RPH3A: variants seen among roughly 807,000 people sequenced by gnomAD.
RPH3A encodes the protein rabphilin-3A.
A neutral mutation model predicts 102.2 loss-of-function variants in RPH3A; 48 were observed. The ratio of observed to expected loss-of-function variants is 0.47; its 90% CI spans 0.37 to 0.60. RPH3A has a LOEUF of 0.60. Among genes scored for constraint, RPH3A ranks in the 20% least tolerant of loss-of-function variants. RPH3A has a pLI of 0.00. For missense variants in RPH3A, 781 were observed against 910.1 expected, an observed-to-expected ratio of 0.86 and a Z score of 1.83; for synonymous variants, 310 against 324.3, an observed-to-expected ratio of 0.96 and a Z score of 0.47.
At chr12:112,628,568 C>CAAAAAAAAAA (rs771688201) in intron 1 of RPH3A, among the ~76,000 whole-genome samples, 1 of 27,048 alleles carries the variant, frequency 3.7e-5, no homozygotes, top group Non-Finnish European at 6.6e-5. Flanking sequence ...GTCTTTACCA[C>CAAAAAAAAAA]AAAAAAAAAA....
At chr12:112,586,028 A>G (rs2039436652) in intron 1 of RPH3A, among the ~76,000 whole-genome samples, 1 of 152,166 alleles carries the variant, frequency 6.6e-6, no homozygotes, top group Non-Finnish European at 1.5e-5. Flanking sequence ...AGTCTGATCC[A>G]TATGATTACT....
At chr12:112,690,451 T>C (rs570388104) in intron 1 of RPH3A, among the ~76,000 whole-genome samples, 11 of 152,290 alleles carry the variant, frequency 7.2e-5, no homozygotes, top group Admixed American at 5.9e-4. Context: ...GTGAGGCTCT[T>C]TTTGGTAAGC....
Position 112,713,015 on chromosome 12 carries a change from TC to T in RPH3A, c.-139-79126del, listed in dbSNP as rs1565857210. On this transcript the variant is annotated intron_variant, in intron 1 of 21. Transcript: ENST00000543106. Reference sequence around the variant, plus strand: ...TTTGTCTTCCTCTTCCTCTTCCTCTTCCTCTTCCTCTTCTTCTTCTTCTTCT... The same window carrying T: ...TTTGTCTTCCTCTTCCTCTTCCTCTTCTCTTCCTCTTCTTCTTCTTCTTCT... 4.4e-4 allele frequency among the ~76,000 whole-genome samples: 33 copies of T among 74,488 alleles called. 1 individual carries two copies. The highest frequency in any genetic ancestry group is 1.9e-3 in the African/African-American group (31 of 15,910). 48.9% of individuals were successfully genotyped at this position (74,488 alleles called of 152,430 possible). A position where few individuals can be genotyped will look rare whatever the true frequency, so the allele number is the denominator to read the frequency against.
intron 1 of RPH3A, among the ~76,000 whole-genome samples, chr12:112,613,630 T>C (rs1258584874): frequency 3.3e-5 from 5 of 152,082 alleles, no homozygotes; most frequent in Non-Finnish European, 7.4e-5. Flanking sequence ...TGAGACCCTG[T>C]CTTTACTAAA....
intron 1 of RPH3A, among the ~76,000 whole-genome samples, chr12:112,785,739 C>A (rs552729222): frequency 6.6e-6 from 1 of 152,162 alleles, no homozygotes; most frequent in Non-Finnish European, 1.5e-5. Context: ...CAAGGTCACA[C>A]AGTTTGCATG....
At position 112,879,157 on chromosome 12, in the gene RPH3A, C is replaced by A. The variant is rs2042860998; in HGVS notation, c.1210C>A (p.Gln404Lys). 1 of 1,613,994 alleles carries A rather than the reference C, an allele frequency of 6.2e-7. No individual in the cohort carries two copies. ...CCTGGAATTCAGCCTTCTCTACGAC[C>A]AGGACAACAGCTCCCTGCAGTGCAC... Reference protein sequence around the residue: ...GALEFSLLYDQDNSSLQCTII... With the variant: ...GALEFSLLYDKDNSSLQCTII... The change falls in exon 14 of 22, where the codon CAG becomes AAG. Residue 404 changes from glutamine to lysine, a missense_variant. Physicochemically the swap from Gln to Lys is moderately conservative, Grantham distance 53. This residue lies in a region of RPH3A where 730 missense variants were observed against 810.0 expected (regional missense o/e 0.90). Transcript: ENST00000389385.
At chr12:112,862,442 A>T (rs1163079753) in intron 5 of RPH3A, among the ~76,000 whole-genome samples, 2 of 152,208 alleles carry the variant, frequency 1.3e-5, no homozygotes, top group African/African-American at 4.8e-5. Context: ...AAAATGAGAA[A>T]ATAAAATTTA....
chr12:112,622,550 G>T (rs887048531), intron 1 of RPH3A, among the ~76,000 whole-genome samples: 2 of 146,592 alleles, frequency 1.4e-5, no homozygotes, highest in African/African-American at 5.1e-5. Flanking sequence ...AAGAAATATG[G>T]GACTATGTGA....
At position 112,712,925 on chromosome 12, in the gene RPH3A, C is replaced by CTTCTTCTTCTTCTTCTTCT. The variant is rs1565856803; in HGVS notation, c.-139-79217_-139-79216insTCTTCTTCTTCTTCTTCTT. Among the ~76,000 whole-genome samples, 151 of 94,526 alleles carry CTTCTTCTTCTTCTTCTTCT rather than the reference C, an allele frequency of 1.6e-3. 10 individuals carry two copies. Among genetic ancestry groups the CTTCTTCTTCTTCTTCTTCT allele is most frequent in the African/African-American group, 6.5e-3 (142 of 21,892 alleles). 62.0% of individuals were successfully genotyped at this position (94,526 alleles called of 152,430 possible). A position where few individuals can be genotyped will look rare whatever the true frequency, so the allele number is the denominator to read the frequency against. On this transcript the variant is annotated intron_variant, in intron 1 of 21. Coordinates refer to the RPH3A transcript ENST00000543106. ...CTTCCTCTTCTTCTTCTTCTTCTTC[C>CTTCTTCTTCTTCTTCTTCT]TCTTCTTCTTCTTCTTCTTCTTCTT... is the stretch of plus-strand genomic sequence containing the variant.
chr12:112,639,705 T>C (rs1223506370), intron 1 of RPH3A, among the ~76,000 whole-genome samples: 1 of 152,134 alleles, frequency 6.6e-6, no homozygotes. Context: ...TGGAAATGGC[T>C]GAAAGACACC....
intron 1 of RPH3A, among the ~76,000 whole-genome samples, chr12:112,727,422 C>T (rs1285018184): frequency 3.5e-5 from 4 of 114,688 alleles, no homozygotes; most frequent in African/African-American, 6.6e-5. Context: ...TATATATATA[C>T]ATACACACAC....
At chr12:112,619,882 C>T (rs2039709910) in intron 1 of RPH3A, among the ~76,000 whole-genome samples, 2 of 152,042 alleles carry the variant, frequency 1.3e-5, no homozygotes, top group Admixed American at 1.3e-4. Context: ...TTATCAATTC[C>T]CTTTCTGAAT....
chr12:112,805,737 A>G (rs1168039565), intron 2 of RPH3A, among the ~76,000 whole-genome samples: 2 of 152,168 alleles, frequency 1.3e-5, no homozygotes, highest in Non-Finnish European at 2.9e-5. Flanking sequence ...CATTTTTTTA[A>G]AAAGGGGATA....
intron 1 of RPH3A, among the ~76,000 whole-genome samples, chr12:112,734,489 AC>A (rs2040654929): frequency 6.6e-6 from 1 of 152,162 alleles, no homozygotes; most frequent in Admixed American, 6.5e-5. Context: ...CCTAATCCAG[AC>A]CCCAAGAGAG....
At chr12:112,893,243 C>T (rs1008871868) in intron 19 of RPH3A, 1 of 152,126 alleles carries the variant, frequency 6.6e-6, no homozygotes, top group East Asian at 1.9e-4. Flanking sequence ...TTTTTAAAAG[C>T]CAGAACTTCC....
At chr12:112,742,899 T>C (rs931474179) in intron 1 of RPH3A, among the ~76,000 whole-genome samples, 19 of 152,308 alleles carry the variant, frequency 1.2e-4, no homozygotes, top group African/African-American at 4.1e-4. Flanking sequence ...GCTGTGTTCC[T>C]CCTGGAAGCT....
At chr12:112,610,804 T>C (rs912229777) in intron 1 of RPH3A, among the ~76,000 whole-genome samples, 9 of 152,066 alleles carry the variant, frequency 5.9e-5, no homozygotes, top group East Asian at 2.0e-4. Context: ...GCTAATGTTC[T>C]GTATCTTATC....
At chr12:112,691,575 T>C (rs1049555814) in intron 1 of RPH3A, among the ~76,000 whole-genome samples, 8 of 152,252 alleles carry the variant, frequency 5.3e-5, no homozygotes, top group Admixed American at 2.0e-4. Flanking sequence ...TGTTATTTTT[T>C]AACATCTGTA....
intron 1 of RPH3A, among the ~76,000 whole-genome samples, chr12:112,744,223 C>T (rs2040728652): frequency 6.6e-6 from 1 of 152,136 alleles, no homozygotes; most frequent in African/African-American, 2.4e-5. Flanking sequence ...TTACAGGCAC[C>T]TGCTACCATG....
Sources: allele counts gnomAD v4.1 joint callset (sites outside exome capture counted in the v4.1 genomes callset), GRCh38; gene constraint gnomAD v4.1.1; regional missense constraint gnomAD v4.1.1; transcripts MANE v1.5; gene names NCBI Gene and HGNC (gene_info 2026-07-23, HGNC 2026-07-21).